The following ANKS1B variants were observed in gnomAD, a reference collection of about 807,000 sequenced individuals.
ANKS1B encodes ankyrin repeat and sterile alpha motif domain containing 1B.
Under a neutral mutation model 148.3 loss-of-function variants are expected in ANKS1B, and 36 were observed. That is an observed-to-expected ratio of 0.24 (90% CI 0.19 to 0.32). ANKS1B has a LOEUF of 0.32. Ranked by LOEUF, ANKS1B falls within the 10% of genes least tolerant of loss-of-function variation. ANKS1B has a pLI of 1.00. For missense variants in ANKS1B, 1,157 were observed against 1,542.6 expected (o/e 0.75, Z 4.19); for synonymous variants, 542 against 560.8 (o/e 0.97, Z 0.47).
At chr12:99,922,935 C>G (rs946252327) in intron 1 of ANKS1B, among the ~76,000 whole-genome samples, 1 of 132,958 alleles carries the variant, frequency 7.5e-6, no homozygotes. Flanking sequence ...GCCTCCAGAA[C>G]TATAAAAAAA....
chr12:99,176,785 A>G (rs995763154), intron 14 of ANKS1B, among the ~76,000 whole-genome samples: 2 of 152,024 alleles, frequency 1.3e-5, no homozygotes, highest in African/African-American at 2.4e-5. Flanking sequence ...TCCGTGTGAG[A>G]TGCCTGCTCC....
chr12:99,541,755 T>G (rs918170504), intron 9 of ANKS1B, among the ~76,000 whole-genome samples: 7 of 151,980 alleles, frequency 4.6e-5, no homozygotes, highest in African/African-American at 1.7e-4. Flanking sequence ...CTTGGGAGGC[T>G]GAGGCAGAAG....
chr12:99,303,371 G>A (rs1002331270), intron 12 of ANKS1B, among the ~76,000 whole-genome samples: 3 of 151,932 alleles, frequency 2.0e-5, no homozygotes, highest in Non-Finnish European at 4.4e-5. Context: ...CCTCCCATTT[G>A]AGGCTCTAGT....
chr12:99,475,231 T>A, intron 10 of ANKS1B, among the ~76,000 whole-genome samples: 2 of 146,718 alleles, frequency 1.4e-5, no homozygotes, highest in African/African-American at 2.5e-5. Flanking sequence ...GGTGACAGAG[T>A]CAGACTCTGT....
intron 14 of ANKS1B, among the ~76,000 whole-genome samples, chr12:99,162,990 G>A (rs1243258309): frequency 6.6e-6 from 1 of 151,998 alleles, no homozygotes; most frequent in African/African-American, 2.4e-5. Flanking sequence ...CCCAGGAGGT[G>A]GAGGTTGCAG....
intron 9 of ANKS1B, among the ~76,000 whole-genome samples, chr12:98,736,378 A>T (rs1449199684): frequency 3.3e-5 from 5 of 152,202 alleles, no homozygotes; most frequent in African/African-American, 1.2e-4. Context: ...TGTGAGAGAG[A>T]CAAGAAAAGA....
intron 17 of ANKS1B, among the ~76,000 whole-genome samples, chr12:98,932,834 T>C (rs148386620): frequency 2.0e-5 from 3 of 152,314 alleles, no homozygotes; most frequent in African/African-American, 7.2e-5. Flanking sequence ...TTTGAACCTC[T>C]TAATGCAGCT....
At chr12:99,927,328 T>G (rs1190266642) in intron 1 of ANKS1B, among the ~76,000 whole-genome samples, 1 of 152,212 alleles carries the variant, frequency 6.6e-6, no homozygotes, top group African/African-American at 2.4e-5. Flanking sequence ...ACACAGTAAA[T>G]TCCTACTGCA....
intron 17 of ANKS1B, among the ~76,000 whole-genome samples, chr12:98,967,631 A>AGGGGAGGGGAGGGAAGGG (rs1555550957): frequency 1.3e-5 from 1 of 76,748 alleles, no homozygotes. Flanking sequence ...AGAGGGTAGA[A>AGGGGAGGGGAGGGAAGGG]GAGGGGAGGG....
At chr12:99,608,722 G>A (rs1051380722) in intron 9 of ANKS1B, among the ~76,000 whole-genome samples, 1 of 152,024 alleles carries the variant, frequency 6.6e-6, no homozygotes, top group South Asian at 2.1e-4. Flanking sequence ...GAAGACAGAG[G>A]ACCACAAAAA....
At chr12:99,430,466 T>C (rs541451823) in intron 11 of ANKS1B, among the ~76,000 whole-genome samples, 68 of 152,320 alleles carry the variant, frequency 4.5e-4, no homozygotes, top group African/African-American at 1.5e-3. Context: ...GTGAGTCTTA[T>C]CTTCCAAACA....
chr12:99,138,697 A>C (rs11109738), intron 15 of ANKS1B, among the ~76,000 whole-genome samples: 39,607 of 152,028 alleles, frequency 0.26, 6,684 homozygotes, highest in African/African-American at 0.47. Flanking sequence ...AGGGTTGTCA[A>C]TAGATCCGTA....
chr12:99,566,718 G>A (rs2097398239), intron 9 of ANKS1B, among the ~76,000 whole-genome samples: 1 of 152,128 alleles, frequency 6.6e-6, no homozygotes, highest in East Asian at 1.9e-4. Context: ...GATGCCTTCT[G>A]TCATGGAATG....
At chr12:99,160,813 T>C (rs2076584743) in intron 14 of ANKS1B, among the ~76,000 whole-genome samples, 1 of 152,174 alleles carries the variant, frequency 6.6e-6, no homozygotes, top group Non-Finnish European at 1.5e-5. Flanking sequence ...CCTCATTGCT[T>C]ATTTTTGTTG....
At chr12:99,483,030 T>A (rs2096436591) in intron 10 of ANKS1B, among the ~76,000 whole-genome samples, 1 of 151,884 alleles carries the variant, frequency 6.6e-6, no homozygotes, top group Non-Finnish European at 1.5e-5. Context: ...CTTCCAGGAA[T>A]ATGCTGAAAA....
intron 10 of ANKS1B, among the ~76,000 whole-genome samples, chr12:99,456,827 TA>T: frequency 6.6e-6 from 1 of 152,142 alleles, no homozygotes; most frequent in East Asian, 1.9e-4. Context: ...AATAGAAATC[TA>T]AAAGTTTGGA....
At chr12:99,107,564 T>C (rs1019843788) in intron 15 of ANKS1B, among the ~76,000 whole-genome samples, 4 of 152,174 alleles carry the variant, frequency 2.6e-5, no homozygotes, top group Admixed American at 1.3e-4. Context: ...AGAACAGAAA[T>C]GCCTTATGCA....
chr12:99,761,405 A>G (rs969591443), intron 8 of ANKS1B, among the ~76,000 whole-genome samples: 1 of 152,050 alleles, frequency 6.6e-6, no homozygotes, highest in Non-Finnish European at 1.5e-5. Flanking sequence ...ACAAACCAAT[A>G]AATGGGATTT....
intron 1 of ANKS1B, among the ~76,000 whole-genome samples, chr12:99,826,081 A>G (rs1009378304): frequency 6.6e-6 from 1 of 152,178 alleles, no homozygotes; most frequent in Non-Finnish European, 1.5e-5. Flanking sequence ...TAAGGCACTG[A>G]AAGACACTTT....
Sources: gnomAD v4.1 joint callset for allele counts (sites outside exome capture counted in the v4.1 genomes callset) on GRCh38, gnomAD v4.1.1 for gene constraint, MANE v1.5 for transcripts, NCBI Gene and HGNC (gene_info 2026-07-23, HGNC 2026-07-21) for gene names.